The following SP1 variants were observed in gnomAD, a reference collection of about 807,000 sequenced individuals.
SP1 encodes the protein transcription factor Sp1.
Under a neutral mutation model 66.3 loss-of-function variants are expected in SP1, and 6 were observed. The observed-to-expected ratio is 0.09, with a 90% CI of 0.05 to 0.18. SP1 has a LOEUF of 0.18. Among genes scored for constraint, SP1 ranks in the 10% least tolerant of loss-of-function variants. The pLI is 1.00. For synonymous variants in SP1, 417 were observed against 360.8 expected, an observed-to-expected ratio of 1.16 and a Z score of -1.77; for missense variants, 848 against 964.5, an observed-to-expected ratio of 0.88 and a Z score of 1.60.
At position 53,381,618 on chromosome 12, in the gene SP1, C is replaced by G. The variant is rs374451258; in HGVS notation, c.8-41C>G. The G allele has an allele frequency of 4.1e-5, 62 of 1,529,948 alleles. No individual in the cohort carries two copies. The African/African-American group carries it at 4.7e-4, about 12-fold the overall frequency. The allele number at this position is 1,529,948 out of a possible 1,614,324, so 94.8% of individuals were successfully genotyped here. A position where few individuals can be genotyped will look rare whatever the true frequency, so the allele number is the denominator to read the frequency against. On this transcript the variant is annotated intron_variant, in intron 1 of 5. Transcript: ENST00000327443. ...TTATCCTTCCTACTTCATTTCTTTT[C>G]TTCCCTCAAGTTTACGTTGTTTGTT... is the stretch of plus-strand genomic sequence containing the variant.
intron 3 of SP1, among the ~76,000 whole-genome samples, chr12:53,391,565 C>T (rs1197507029): frequency 6.6e-6 from 1 of 152,000 alleles, no homozygotes; most frequent in Non-Finnish European, 1.5e-5. Flanking sequence ...CCTTGGTTTC[C>T]ACCCGCCTCG....
At position 53,409,576 on chromosome 12, in the gene SP1, A is replaced by G. The variant is rs754899398; in HGVS notation, c.2044+15A>G. On this transcript the variant is annotated intron_variant, in intron 5 of 5. Transcript: ENST00000327443. ...TACACACACAGGTGAGCAAGAGCCTATGGGAGAGAAAAATAGTAATAGACT... is the reference window on the plus strand; with the variant it reads ...TACACACACAGGTGAGCAAGAGCCTGTGGGAGAGAAAAATAGTAATAGACT... 77 of 1,605,202 alleles carry G rather than the reference A, an allele frequency of 4.8e-5. No homozygotes were observed. The South Asian group carries it at 7.6e-4, about 16-fold the overall frequency.
chr12:53,380,745 C>T, intron 1 of SP1: 1 of 683,468 alleles, frequency 1.5e-6, no homozygotes, highest in South Asian at 6.6e-5. Context: ...TTCCCCCCCG[C>T]CCCCCACCGT....
At chr12:53,409,294 T>G (rs1211973416) in intron 4 of SP1, 68 bp from the exon 5 acceptor site, 30 of 1,301,320 alleles carry the variant, frequency 2.3e-5, no homozygotes, top group African/African-American at 2.9e-5. Flanking sequence ...GGGTGATTGC[T>G]GTTGATACTT....
chr12:53,390,904 T>C (rs545563978), intron 3 of SP1, among the ~76,000 whole-genome samples: 1 of 152,310 alleles, frequency 6.6e-6, no homozygotes, highest in East Asian at 1.9e-4. Context: ...CTGTTCTATC[T>C]CCCTTTCCCT....
intron 4 of SP1, among the ~76,000 whole-genome samples, chr12:53,407,102 G>T (rs1172011696): frequency 6.6e-6 from 1 of 150,918 alleles, no homozygotes; most frequent in East Asian, 2.0e-4. Flanking sequence ...GGGATTACCA[G>T]CGTGAGCCAC....
intron 3 of SP1, among the ~76,000 whole-genome samples, chr12:53,405,819 T>G (rs1406434917): frequency 6.6e-6 from 1 of 151,924 alleles, no homozygotes; most frequent in Non-Finnish European, 1.5e-5. Context: ...AGGTGAAAAA[T>G]TACAAATGCG....
chr12:53,380,916 G>A (rs866755287), intron 1 of SP1, among the ~76,000 whole-genome samples: 5 of 142,106 alleles, frequency 3.5e-5, no homozygotes, highest in African/African-American at 7.9e-5. Context: ...TTCCCCTCTC[G>A]TTACTTTTCA....
At chr12:53,385,052 T>C (rs1302542578) in intron 3 of SP1, among the ~76,000 whole-genome samples, 2 of 151,022 alleles carry the variant, frequency 1.3e-5, no homozygotes, top group East Asian at 1.9e-4. Flanking sequence ...CCCAGCACTT[T>C]GGGAGGCTGA....
At position 53,382,199 on chromosome 12, in the gene SP1, G is replaced by A. The variant is rs755836094; in HGVS notation, c.252G>A (p.Pro84=). ...PNENSNNSQG[P]SQSGGTGELD... ...AGAACAGCAACAACTCCCAGGGCCC[G>A]AGTCAGTCAGGGGGAACAGGTGAGC... Residue 84 remains proline (P), a synonymous_variant, in exon 3 of 6, where the codon CCG becomes CCA. Coordinates refer to ENST00000327443, the MANE Select transcript of SP1 (RefSeq NM_138473.3). 4 of 1,614,050 alleles carry A rather than the reference G, an allele frequency of 2.5e-6. No individual in the cohort carries two copies. Among genetic ancestry groups the A allele is most frequent in the Admixed American group, 1.7e-5 (1 of 59,984 alleles).
chr12:53,385,220 G>A (rs1393745009), intron 3 of SP1, among the ~76,000 whole-genome samples: 1 of 151,830 alleles, frequency 6.6e-6, no homozygotes, highest in Non-Finnish European at 1.5e-5. Flanking sequence ...CTTGAACCTG[G>A]GAGGCAGAGG....
At chr12:53,402,370 T>C (rs1441695307) in intron 3 of SP1, among the ~76,000 whole-genome samples, 1 of 151,860 alleles carries the variant, frequency 6.6e-6, no homozygotes, top group Admixed American at 6.6e-5. Flanking sequence ...ACTACAGGCA[T>C]GCGCCACCAT....
chr12:53,383,003 A>C lies in SP1; in HGVS notation c.1056A>C (p.Gln352His), dbSNP rs777296402. 3 of 1,614,192 alleles carry C rather than the reference A, an allele frequency of 1.9e-6. No individual in the cohort carries two copies. The highest frequency in any genetic ancestry group is 2.5e-6 in the Non-Finnish European group (3 of 1,180,036). ...TTSGSSGTNSQGQTPQRVSGL... is the reference protein window; with the variant it reads ...TTSGSSGTNSHGQTPQRVSGL... The stretch of plus-strand genomic sequence containing the variant: ...GTGGATCATCAGGGACCAACTCTCA[A>C]GGCCAGACACCCCAGAGGGTCAGTG... The change falls in exon 3 of 6, where the codon CAA (glutamine) becomes CAC (histidine). Residue 352 changes from glutamine to histidine, a missense_variant. Coordinates refer to ENST00000327443, the MANE Select transcript of SP1 (RefSeq NM_138473.3).
rs1237233717 is a variant in SP1 at position 53,380,308 on chromosome 12, A to G, written c.7+10A>G. The G allele has an allele frequency of 9.0e-6, 13 of 1,449,330 alleles. No individual in the cohort carries two copies. The highest frequency in any genetic ancestry group is 1.5e-5 in the African/African-American group (1 of 67,526). 89.8% of individuals were successfully genotyped at this position (1,449,330 alleles called of 1,614,324 possible). On this transcript the variant is annotated intron_variant, in intron 1 of 5. Coordinates refer to ENST00000327443, the MANE Select transcript of SP1 (RefSeq NM_138473.3). ...GCTGCCACCATGAGCGGTAAGGATG[A>G]GTCCACTCCAAGCTTAGGGGTGGGA...
At chr12:53,402,772 C>G (rs1938636919) in intron 3 of SP1, among the ~76,000 whole-genome samples, 1 of 151,726 alleles carries the variant, frequency 6.6e-6, no homozygotes, top group African/African-American at 2.4e-5. Flanking sequence ...GGAGACCAGC[C>G]TGGCCAATAT....
At position 53,383,378 on chromosome 12, in the gene SP1, A is replaced by G. The variant is rs755729417; in HGVS notation, c.1431A>G (p.Pro477=). The change falls in exon 3 of 6, where the codon CCA becomes CCG. Residue 477 remains proline (P), a synonymous_variant. Coordinates refer to ENST00000327443, the MANE Select transcript of SP1 (RefSeq NM_138473.3). Reference sequence around the variant, plus strand: ...TGCAGAACCTCCAAGTTCAGAACCCACAAGCCCAAACAATCACCTTAGCCC... The same window carrying G: ...TGCAGAACCTCCAAGTTCAGAACCCGCAAGCCCAAACAATCACCTTAGCCC... ...LQLQNLQVQN[P]QAQTITLAPM... 7 of 1,614,186 alleles carry G rather than the reference A, an allele frequency of 4.3e-6. No individual in the cohort carries two copies. Among genetic ancestry groups the G allele is most frequent in the Non-Finnish European group, 5.9e-6 (7 of 1,180,024 alleles).
At chr12:53,399,330 T>G (rs1361098986) in intron 3 of SP1, among the ~76,000 whole-genome samples, 1 of 131,560 alleles carries the variant, frequency 7.6e-6, no homozygotes, top group Non-Finnish European at 1.5e-5. Context: ...TGTTTTTTTG[T>G]TTTTTGTTTT....
intron 4 of SP1, among the ~76,000 whole-genome samples, 194 bp downstream of exon 4, chr12:53,406,947 C>T (rs1273728106): frequency 6.6e-6 from 1 of 151,748 alleles, no homozygotes; most frequent in African/African-American, 2.4e-5. Context: ...GCCTCAGCCT[C>T]CCGAGTAGCT....
At chr12:53,387,485 A>G (rs143232967) in intron 3 of SP1, among the ~76,000 whole-genome samples, 2 of 152,300 alleles carry the variant, frequency 1.3e-5, no homozygotes, top group African/African-American at 4.8e-5. Context: ...ACAAGACAGT[A>G]ATTTTCTTAG....
Sources: gnomAD v4.1 joint callset for allele counts (sites outside exome capture counted in the v4.1 genomes callset) on GRCh38, gnomAD v4.1.1 for gene constraint, MANE v1.5 for transcripts, NCBI Gene and HGNC (gene_info 2026-07-23, HGNC 2026-07-21) for gene names.